NALF1: variants seen among roughly 807,000 people sequenced by gnomAD.
NALF1 encodes the protein NALCN channel auxiliary factor 1.
NALF1 carries 3 observed loss-of-function variants against 48.4 expected under a neutral mutation model. That is an observed-to-expected ratio of 0.06 (90% CI 0.03 to 0.16). NALF1 has a LOEUF of 0.16. Ranked by LOEUF, NALF1 falls within the 10% of genes least tolerant of loss-of-function variation. The pLI is 1.00. For synonymous variants in NALF1, 262 were observed against 245.7 expected (o/e 1.07, Z -0.62); for missense variants, 526 against 571.5 (o/e 0.92, Z 0.81).
intron 1 of NALF1, among the ~76,000 whole-genome samples, chr13:107,404,736 C>A (rs889866445): frequency 6.6e-6 from 1 of 152,006 alleles, no homozygotes; most frequent in African/African-American, 2.4e-5. Flanking sequence ...ATTTATTATG[C>A]ATTTTTCAGA....
intron 1 of NALF1, among the ~76,000 whole-genome samples, chr13:107,419,725 TAA>T (rs1243897439): frequency 1.3e-5 from 2 of 152,202 alleles, no homozygotes; most frequent in Non-Finnish European, 2.9e-5. Context: ...TATGAAATAT[TAA>T]AAGAGGGAAA....
At chr13:107,855,907 C>A (rs1376836311) in intron 1 of NALF1, among the ~76,000 whole-genome samples, 1 of 150,600 alleles carries the variant, frequency 6.6e-6, no homozygotes. Flanking sequence ...TCCCTAAGAG[C>A]GAGAATTTTT....
At position 107,720,523 on chromosome 13, in the gene NALF1, A is replaced by AT. The variant is rs1202327705; in HGVS notation, c.915+145158_915+145159insA. On this transcript the variant is annotated intron_variant, in intron 1 of 2. Transcript: ENST00000375915. ...GAGACTGCATCTCAAAAAAAAAAAAAAAAAAAAAAAGCATATTTCCCAGAA... is the reference window on the plus strand; with the variant it reads ...GAGACTGCATCTCAAAAAAAAAAAAATAAAAAAAAAAGCATATTTCCCAGAA... Among the ~76,000 whole-genome samples the AT allele has an allele frequency of 2.0e-5, 3 of 151,616 alleles. No homozygotes were observed. In the East Asian group the frequency reaches 5.8e-4, roughly 29 times the overall value.
intron 1 of NALF1, among the ~76,000 whole-genome samples, chr13:107,697,222 C>T (rs766542590): frequency 1.3e-5 from 2 of 152,004 alleles, no homozygotes; most frequent in Non-Finnish European, 2.9e-5. Flanking sequence ...GTATCTAACC[C>T]TTCAAAAGAA....
chr13:107,527,716 G>A (rs1876492076), intron 1 of NALF1, among the ~76,000 whole-genome samples: 1 of 152,066 alleles, frequency 6.6e-6, no homozygotes, highest in Non-Finnish European at 1.5e-5. Context: ...GAGTGAATAA[G>A]TCTCACAAGA....
intron 1 of NALF1, among the ~76,000 whole-genome samples, chr13:107,299,671 A>G (rs1386120094): frequency 1.4e-5 from 2 of 148,064 alleles, no homozygotes; most frequent in African/African-American, 2.5e-5. Flanking sequence ...TCTGTAAGGA[A>G]GAACTGTTCC....
At chr13:107,421,239 C>T (rs1884181211) in intron 1 of NALF1, among the ~76,000 whole-genome samples, 1 of 152,110 alleles carries the variant, frequency 6.6e-6, no homozygotes, top group African/African-American at 2.4e-5. Context: ...TGATTCATAA[C>T]CTTCCAAAGC....
intron 1 of NALF1, among the ~76,000 whole-genome samples, chr13:107,518,953 T>C (rs1434065593): frequency 6.6e-6 from 1 of 151,936 alleles, no homozygotes; most frequent in Non-Finnish European, 1.5e-5. Context: ...GGAAAGCAAA[T>C]TGGAATAAGG....
intron 1 of NALF1, among the ~76,000 whole-genome samples, chr13:107,366,782 A>G (rs1724358222): frequency 6.6e-6 from 1 of 152,164 alleles, no homozygotes; most frequent in Non-Finnish European, 1.5e-5. Context: ...TTTCTCTCTT[A>G]TTGTTGATCT....
intron 1 of NALF1, among the ~76,000 whole-genome samples, chr13:107,494,725 A>C (rs1050301506): frequency 6.6e-6 from 1 of 152,232 alleles, no homozygotes; most frequent in Admixed American, 6.5e-5. Context: ...GTGTTTCCTA[A>C]AAGTTCAAAT....
In NALF1 at chr13:107,497,570, T is replaced by C. The variant is rs190724445; in HGVS notation, c.916-286815A>G. ...TGTACACTTTCTTCAAGTACATCTT[T>C]CAGAATGATTTCAGATCCACATCCA... On this transcript the variant is annotated intron_variant, in intron 1 of 2. Coordinates refer to ENST00000375915, the MANE Select transcript of NALF1 (RefSeq NM_001080396.3). Among the ~76,000 whole-genome samples the C allele has an allele frequency of 1.7e-3, 256 of 152,320 alleles. 1 individual carries two copies. The highest frequency in any genetic ancestry group is 5.5e-3 in the African/African-American group (229 of 41,582).
chr13:107,364,733 G>GTT (rs1883121078), intron 1 of NALF1, among the ~76,000 whole-genome samples: 5 of 152,134 alleles, frequency 3.3e-5, no homozygotes, highest in Admixed American at 3.3e-4. Context: ...GATCTTCACT[G>GTT]TAATACAGAA....
At chr13:107,275,938 T>C (rs1881271723) in intron 1 of NALF1, among the ~76,000 whole-genome samples, 1 of 152,098 alleles carries the variant, frequency 6.6e-6, no homozygotes, top group Admixed American at 6.5e-5. Flanking sequence ...CATAGGACGT[T>C]GAGGTGAGGT....
At chr13:107,603,492 T>C (rs1215556022) in intron 1 of NALF1, among the ~76,000 whole-genome samples, 1 of 152,182 alleles carries the variant, frequency 6.6e-6, no homozygotes, top group Non-Finnish European at 1.5e-5. Context: ...AGTCTAAAAT[T>C]AGTGATACAG....
At chr13:107,650,117 G>T (rs1880408753) in intron 1 of NALF1, among the ~76,000 whole-genome samples, 1 of 152,116 alleles carries the variant, frequency 6.6e-6, no homozygotes, top group Non-Finnish European at 1.5e-5. Flanking sequence ...TCAAAGATCG[G>T]AGTTTTTGTC....
chr13:107,306,169 T>G (rs774854920), intron 1 of NALF1, among the ~76,000 whole-genome samples: 2 of 152,144 alleles, frequency 1.3e-5, no homozygotes, highest in Non-Finnish European at 2.9e-5. Flanking sequence ...TTATTATAAC[T>G]CAAAGAGCTC....
intron 1 of NALF1, among the ~76,000 whole-genome samples, chr13:107,737,963 G>A (rs1876516477): frequency 6.6e-6 from 1 of 152,056 alleles, no homozygotes; most frequent in Non-Finnish European, 1.5e-5. Context: ...TTTTTTCAGA[G>A]TCATAAATAC....
At chr13:107,342,421 G>T (rs961782548) in intron 1 of NALF1, among the ~76,000 whole-genome samples, 1 of 152,092 alleles carries the variant, frequency 6.6e-6, no homozygotes, top group Non-Finnish European at 1.5e-5. Flanking sequence ...AATGCCTCAG[G>T]ATATCAATAA....
chr13:107,373,675 T>C (rs4583087), intron 1 of NALF1, among the ~76,000 whole-genome samples: 77,484 of 152,056 alleles, frequency 0.51, 20,323 homozygotes, highest in East Asian at 0.68. Flanking sequence ...ATCAACCTGG[T>C]CTCTGAAATA....
Sources: gnomAD v4.1 joint callset for allele counts (sites outside exome capture counted in the v4.1 genomes callset) on GRCh38, gnomAD v4.1.1 for gene constraint, MANE v1.5 for transcripts, NCBI Gene and HGNC (gene_info 2026-07-23, HGNC 2026-07-21) for gene names.